Variants in ZNRF1 observed in about 807,000 individuals in gnomAD.
The protein encoded by ZNRF1 is zinc and ring finger 1, also known as E3 ubiquitin-protein ligase ZNRF1.
ZNRF1 carries 3 observed loss-of-function variants against 18.4 expected under a neutral mutation model. The observed-to-expected ratio is 0.16, with a 90% CI of 0.07 to 0.42. The LOEUF is 0.42. ZNRF1 is among the 10% of genes least tolerant of loss of function. The pLI is 0.99. For missense variants in ZNRF1, 310 were observed against 329.8 expected (o/e 0.94, Z 0.47); for synonymous variants, 157 against 144.2 (o/e 1.09, Z -0.64).
chr16:75,084,955 G>A (rs1231683884), intron 1 of ZNRF1, among the ~76,000 whole-genome samples: 1 of 152,192 alleles, frequency 6.6e-6, no homozygotes, highest in Non-Finnish European at 1.5e-5. Flanking sequence ...TTTTATTGCA[G>A]ACATCAGTGT....
chr16:75,102,878 C>T (rs112960486), intron 2 of ZNRF1, among the ~76,000 whole-genome samples: 1,908 of 152,322 alleles, frequency 0.013, 50 homozygotes, highest in African/African-American at 0.039. Context: ...CATCCGCACA[C>T]GCAGGGCTGC....
At chr16:75,093,154 G>C (rs1470881322) in intron 1 of ZNRF1, among the ~76,000 whole-genome samples, 1 of 152,210 alleles carries the variant, frequency 6.6e-6, no homozygotes, top group Non-Finnish European at 1.5e-5. Flanking sequence ...GGAGGCCGAG[G>C]CGGGTGAATC....
intron 1 of ZNRF1, among the ~76,000 whole-genome samples, chr16:75,057,815 A>G (rs776494775): frequency 1.2e-4 from 18 of 152,038 alleles, no homozygotes; most frequent in Non-Finnish European, 2.6e-4. Context: ...TAATTATTGT[A>G]TTTTTAGTAG....
intron 1 of ZNRF1, among the ~76,000 whole-genome samples, chr16:75,053,989 G>C (rs948246743): frequency 1.3e-5 from 2 of 152,182 alleles, no homozygotes; most frequent in South Asian, 2.1e-4. Flanking sequence ...TTTACTTTTC[G>C]TATGAACTAT....
intron 1 of ZNRF1, among the ~76,000 whole-genome samples, chr16:75,061,310 C>T (rs933018290): frequency 1.3e-5 from 2 of 152,176 alleles, no homozygotes; most frequent in African/African-American, 4.8e-5. Flanking sequence ...CCCCCAGTAC[C>T]CTTCCCAACC....
intron 1 of ZNRF1, among the ~76,000 whole-genome samples, chr16:75,062,536 C>T (rs1195477795): frequency 4.6e-5 from 7 of 152,252 alleles, no homozygotes; most frequent in Admixed American, 3.9e-4. Flanking sequence ...CCCCCGAGCT[C>T]CCTTTGTCAT....
intron 1 of ZNRF1, among the ~76,000 whole-genome samples, chr16:75,090,180 T>C (rs2036119348): frequency 6.6e-6 from 1 of 152,198 alleles, no homozygotes. Flanking sequence ...GGACTTAGGC[T>C]GGATCGGAAA....
chr16:75,073,308 T>G (rs1326480955), intron 1 of ZNRF1, among the ~76,000 whole-genome samples: 2 of 152,096 alleles, frequency 1.3e-5, no homozygotes, highest in Non-Finnish European at 2.9e-5. Context: ...TAGCTGTTGT[T>G]TTTCCTTTCT....
chr16:75,018,268 T>A (rs1019371568), intron 1 of ZNRF1, among the ~76,000 whole-genome samples: 5 of 152,228 alleles, frequency 3.3e-5, no homozygotes, highest in African/African-American at 1.2e-4. Flanking sequence ...GCTTTTAAAA[T>A]TGTTTATAAT....
At chr16:75,092,070 C>T (rs2145420440) in intron 1 of ZNRF1, among the ~76,000 whole-genome samples, 1 of 152,054 alleles carries the variant, frequency 6.6e-6, no homozygotes, top group Admixed American at 6.5e-5. Context: ...AGGCTGAGGG[C>T]AGGAGACTGT....
chr16:75,000,591 A>G (rs1459627323), intron 1 of ZNRF1, among the ~76,000 whole-genome samples: 4 of 152,224 alleles, frequency 2.6e-5, no homozygotes, highest in Non-Finnish European at 5.9e-5. Flanking sequence ...AGAGGTGCCC[A>G]GTTTTGCCAC....
intron 1 of ZNRF1, among the ~76,000 whole-genome samples, chr16:75,051,218 T>G (rs2035599002): frequency 6.6e-6 from 1 of 151,962 alleles, no homozygotes; most frequent in Admixed American, 6.6e-5. Context: ...ATCTATTTTT[T>G]TTTTTCTGAG....
Position 75,000,048 on chromosome 16 carries a change from A to G in ZNRF1, c.377A>G (p.Asp126Gly). Residue 126 changes from aspartate (D) to glycine (G), a missense_variant, in exon 1 of 5, where the codon GAT becomes GGT. Around this residue, in one of 2 missense-constraint regions of ZNRF1, gnomAD observed 293 missense variants for 291.2 expected, o/e 1.01. Transcript: ENST00000335325. Reference sequence around the variant, plus strand: ...CTGGGCTCCCGAGCCTCGCTGGCGGATGCTCTACCTCTGCACATCGCACCC... The same window carrying G: ...CTGGGCTCCCGAGCCTCGCTGGCGGGTGCTCTACCTCTGCACATCGCACCC... ...LYLGSRASLA[D>G]ALPLHIAPRW... 10 of 1,600,618 alleles carry G rather than the reference A, an allele frequency of 6.2e-6. No individual in the cohort carries two copies. Among genetic ancestry groups the G allele is most frequent in the Non-Finnish European group, 8.5e-6 (10 of 1,174,912 alleles).
At chr16:75,059,289 C>T (rs1435392616) in intron 1 of ZNRF1, among the ~76,000 whole-genome samples, 1 of 139,586 alleles carries the variant, frequency 7.2e-6, no homozygotes, top group Non-Finnish European at 1.5e-5. Flanking sequence ...ACTCTGTCCC[C>T]CAGGCTGGAG....
At chr16:75,067,070 C>T (rs2035814644) in intron 1 of ZNRF1, among the ~76,000 whole-genome samples, 1 of 152,150 alleles carries the variant, frequency 6.6e-6, no homozygotes, top group African/African-American at 2.4e-5. Flanking sequence ...ATACCTGTTG[C>T]CTGGTCTGGG....
intron 1 of ZNRF1, among the ~76,000 whole-genome samples, chr16:75,035,302 A>C (rs1345848710): frequency 6.6e-6 from 1 of 152,184 alleles, no homozygotes; most frequent in Non-Finnish European, 1.5e-5. Flanking sequence ...CCAAAGTACT[A>C]GAATTACAGG....
intron 1 of ZNRF1, among the ~76,000 whole-genome samples, chr16:75,066,977 C>T (rs1192407952): frequency 2.0e-5 from 3 of 152,152 alleles, no homozygotes; most frequent in African/African-American, 7.2e-5. Context: ...CTCTGCCAAG[C>T]GTTTTTGGCT....
chr16:75,052,639 C>T (rs1198414824), intron 1 of ZNRF1, among the ~76,000 whole-genome samples: 1 of 152,132 alleles, frequency 6.6e-6, no homozygotes, highest in Non-Finnish European at 1.5e-5. Context: ...GCCATTCTCA[C>T]TTCTTCAAGG....
At chr16:75,071,795 A>G (rs1369250154) in intron 1 of ZNRF1, among the ~76,000 whole-genome samples, 1 of 152,062 alleles carries the variant, frequency 6.6e-6, no homozygotes, top group Non-Finnish European at 1.5e-5. Flanking sequence ...ATCCAACCAC[A>G]TCATTATTCT....
Sources: allele counts gnomAD v4.1 joint callset (sites outside exome capture counted in the v4.1 genomes callset), GRCh38; gene constraint gnomAD v4.1.1; regional missense constraint gnomAD v4.1.1; transcripts MANE v1.5; gene names NCBI Gene and HGNC (gene_info 2026-07-23, HGNC 2026-07-21).